CHRM3: variants seen among roughly 807,000 people sequenced by gnomAD.
The protein encoded by CHRM3 is cholinergic receptor muscarinic 3, also known as muscarinic acetylcholine receptor M3.
Under a neutral mutation model 41.8 loss-of-function variants are expected in CHRM3, and 11 were observed. That is an observed-to-expected ratio of 0.26 (90% CI 0.17 to 0.44). The LOEUF is 0.44. Among genes scored for constraint, CHRM3 ranks in the 20% least tolerant of loss-of-function variants. CHRM3 has a pLI of 1.00. For synonymous variants in CHRM3, 297 were observed against 301.4 expected, an observed-to-expected ratio of 0.99 and a Z score of 0.15; for missense variants, 571 against 745.4, an observed-to-expected ratio of 0.77 and a Z score of 2.72.
intron 1 of CHRM3, among the ~76,000 whole-genome samples, chr1:239,442,480 AT>A (rs1663807934): frequency 1.3e-5 from 2 of 151,886 alleles, no homozygotes; most frequent in African/African-American, 4.8e-5. Flanking sequence ...GAGTTTAAAA[AT>A]TTTCAGGGTG....
At chr1:239,688,558 ATATAT>A (rs1374791279) in intron 5 of CHRM3, among the ~76,000 whole-genome samples, 23 of 136,802 alleles carry the variant, frequency 1.7e-4, no homozygotes, top group East Asian at 2.0e-4. Context: ...TTTATATAAC[ATATAT>A]TATATGATAT....
At chr1:239,519,874 A>G (rs1023173868) in intron 2 of CHRM3, among the ~76,000 whole-genome samples, 2 of 146,390 alleles carry the variant, frequency 1.4e-5, no homozygotes, top group African/African-American at 5.1e-5. Context: ...CAGCCTCCCT[A>G]GTAGCTGGGA....
chr1:239,522,436 T>G (rs1040172412), intron 2 of CHRM3, among the ~76,000 whole-genome samples: 14 of 152,220 alleles, frequency 9.2e-5, no homozygotes, highest in Admixed American at 7.9e-4. Context: ...TGACTACAAC[T>G]GCATGAAAGA....
At chr1:239,530,678 A>T (rs1208853224) in intron 2 of CHRM3, among the ~76,000 whole-genome samples, 1 of 152,226 alleles carries the variant, frequency 6.6e-6, no homozygotes, top group African/African-American at 2.4e-5. Context: ...AAAGAGGCAG[A>T]AATTATGTAA....
intron 1 of CHRM3, among the ~76,000 whole-genome samples, chr1:239,395,026 T>G (rs1328091839): frequency 6.6e-6 from 1 of 152,198 alleles, no homozygotes; most frequent in Admixed American, 6.5e-5. Flanking sequence ...TGTAACCTCT[T>G]AGTCATAAAA....
At chr1:239,796,150 G>A (rs1253892300) in intron 5 of CHRM3, among the ~76,000 whole-genome samples, 1 of 152,038 alleles carries the variant, frequency 6.6e-6, no homozygotes, top group African/African-American at 2.4e-5. Flanking sequence ...CCTAGATGGG[G>A]TCTTGTCTTC....
At chr1:239,662,189 G>A (rs1037954633) in intron 4 of CHRM3, among the ~76,000 whole-genome samples, 6 of 148,692 alleles carry the variant, frequency 4.0e-5, no homozygotes, top group South Asian at 2.2e-4. Context: ...GAAAGCTGTC[G>A]TTTTAGAGAT....
chr1:239,575,308 T>A (rs370668467), intron 3 of CHRM3, among the ~76,000 whole-genome samples: 7 of 152,170 alleles, frequency 4.6e-5, no homozygotes, highest in African/African-American at 1.7e-4. Flanking sequence ...CCTCTTTCAG[T>A]TGAGCAGCCT....
chr1:239,861,637 G>GT (rs1373903912), intron 6 of CHRM3, among the ~76,000 whole-genome samples: 1 of 152,138 alleles, frequency 6.6e-6, no homozygotes, highest in East Asian at 1.9e-4. Context: ...GAGAAGTTGT[G>GT]TGATGTGTTT....
intron 3 of CHRM3, among the ~76,000 whole-genome samples, chr1:239,585,082 C>A (rs1449452235): frequency 6.7e-6 from 1 of 149,892 alleles, no homozygotes; most frequent in Non-Finnish European, 1.5e-5. Flanking sequence ...TATGTATACA[C>A]ACATACGTAT....
chr1:239,524,481 C>T lies in CHRM3; in HGVS notation c.-421-21160C>T, dbSNP rs537356578. On this transcript the variant is annotated intron_variant, in intron 2 of 6. Transcript: ENST00000676153. Reference sequence around the variant, plus strand: ...GCATTCAATTATTTGTCGCCATGACCGCTCTCGGGGTTAGTTAACTACATA... The same window carrying T: ...GCATTCAATTATTTGTCGCCATGACTGCTCTCGGGGTTAGTTAACTACATA... Among the ~76,000 whole-genome samples, 7 of 151,762 alleles carry T rather than the reference C, an allele frequency of 4.6e-5. No homozygotes were observed. The South Asian group carries it at 8.4e-4, about 18-fold the overall frequency.
intron 3 of CHRM3, among the ~76,000 whole-genome samples, chr1:239,559,727 T>G (rs1311900622): frequency 1.3e-5 from 2 of 152,140 alleles, no homozygotes; most frequent in Non-Finnish European, 2.9e-5. Context: ...CTACAACTTG[T>G]TAAGGATACA....
chr1:239,705,085 C>T (rs10737838), intron 5 of CHRM3: 62,116 of 151,956 alleles, frequency 0.41, 12,936 homozygotes, highest in Middle Eastern at 0.51. Flanking sequence ...CATGCACCTG[C>T]AGTCTCAGCT....
intron 2 of CHRM3, among the ~76,000 whole-genome samples, chr1:239,526,577 A>G (rs1248027115): frequency 1.3e-5 from 2 of 152,200 alleles, no homozygotes; most frequent in Non-Finnish European, 2.9e-5. Context: ...ATCTGGCCTC[A>G]GCAAGCACAC....
chr1:239,725,017 T>A (rs1320784306), intron 5 of CHRM3, among the ~76,000 whole-genome samples: 1 of 151,914 alleles, frequency 6.6e-6, no homozygotes, highest in East Asian at 1.9e-4. Flanking sequence ...CTGTGTGCAC[T>A]CTCAGCTGTG....
chr1:239,461,711 C>G (rs531972310), intron 1 of CHRM3, among the ~76,000 whole-genome samples: 3 of 152,184 alleles, frequency 2.0e-5, no homozygotes, highest in South Asian at 2.1e-4. Flanking sequence ...TGGGCCCTTT[C>G]TCCCTGGAGA....
chr1:239,404,410 A>AAAAGAAAGAAAGAAGG (rs1660343795), intron 1 of CHRM3, among the ~76,000 whole-genome samples: 1 of 51,754 alleles, frequency 1.9e-5, no homozygotes, highest in African/African-American at 6.4e-5. Context: ...GAAAGAAAGA[A>AAAAGAAAGAAAGAAGG]AAAGAAAGAA....
intron 5 of CHRM3, among the ~76,000 whole-genome samples, chr1:239,737,128 A>G (rs2148466325): frequency 6.6e-6 from 1 of 152,264 alleles, no homozygotes; most frequent in South Asian, 2.1e-4. Flanking sequence ...ATATTACACT[A>G]AAGTATAAAT....
In CHRM3 at chr1:239,906,786, C is replaced by G. The variant is rs117328779; in HGVS notation, c.-19-647C>G. On this transcript the variant is annotated intron_variant, in intron 6 of 6. Transcript: ENST00000676153. ...TCAAAACGTTCTGCTAAAAGTTCAT[C>G]TGCATGTTATCAAGTAGAAGATAGC... Among the ~76,000 whole-genome samples, 4 of 152,264 alleles carry G rather than the reference C, an allele frequency of 2.6e-5. No individual in the cohort carries two copies. The East Asian group carries it at 7.7e-4, about 29-fold the overall frequency.
Sources: allele counts gnomAD v4.1 joint callset (sites outside exome capture counted in the v4.1 genomes callset), GRCh38; gene constraint gnomAD v4.1.1; transcripts MANE v1.5; gene names NCBI Gene and HGNC (gene_info 2026-07-23, HGNC 2026-07-21).